Variants in PCDHGB2 observed in about 807,000 individuals in gnomAD.
PCDHGB2 encodes the protein protocadherin gamma subfamily B, 2.
In PCDHGB2, 55 loss-of-function variants were observed where a neutral mutation model predicts 59.3. The ratio of observed to expected loss-of-function variants is 0.93; its 90% CI spans 0.75 to 1.16. The LOEUF (loss-of-function observed/expected upper bound fraction) is 1.16, where lower values mean the gene tolerates loss of function less well. Among genes scored for constraint, PCDHGB2 ranks in the 50% most tolerant of loss-of-function variants. The probability of loss-of-function intolerance (pLI) is 0.00; values close to 1 mark genes in which losing one functional copy is unlikely to be tolerated. For synonymous variants in PCDHGB2, 516 were observed against 512.0 expected (o/e 1.01, Z -0.11); for missense variants, 1,228 against 1,198.5 (o/e 1.02, Z -0.36).
At position 141,415,039 on chromosome 5, in the gene PCDHGB2, G is replaced by T. The variant is rs761101620; in HGVS notation, c.2421+52483G>T. ...CAAGGCCAGCGAGCCGGGACTCTTC[G>T]CGGTGGGGGAGCACACGGGCGAGGT... On this transcript the variant is annotated intron_variant, in intron 1 of 3. Transcript: ENST00000522605. The T allele has an allele frequency of 3.1e-6, 5 of 1,613,342 alleles. No homozygotes were observed. The highest frequency in any genetic ancestry group is 3.4e-6 in the Non-Finnish European group (4 of 1,179,934).
At chr5:141,484,135 A>G (rs181630887) in intron 1 of PCDHGB2, among the ~76,000 whole-genome samples, 6 of 152,270 alleles carry the variant, frequency 3.9e-5, no homozygotes, top group Admixed American at 1.3e-4. Flanking sequence ...GTGTCAGATA[A>G]AGGGAATTTG....
chr5:141,482,609 A>G (rs2099569274), intron 1 of PCDHGB2, among the ~76,000 whole-genome samples: 1 of 151,770 alleles, frequency 6.6e-6, no homozygotes, highest in African/African-American at 2.4e-5. Context: ...AAACACCTAA[A>G]TGAGCCTGGA....
intron 1 of PCDHGB2, chr5:141,374,379 G>A (rs1163047741): frequency 6.2e-7 from 1 of 1,614,042 alleles, no homozygotes; most frequent in Non-Finnish European, 8.5e-7. Flanking sequence ...TGTGCTCAGA[G>A]CCCGCGGTGT....
intron 1 of PCDHGB2, chr5:141,371,172 T>G: frequency 6.2e-7 from 1 of 1,614,016 alleles, no homozygotes; most frequent in Non-Finnish European, 8.5e-7. Flanking sequence ...CGCTGGCTCC[T>G]CCGTATTAAA....
intron 1 of PCDHGB2, chr5:141,409,801 G>A: frequency 1.2e-6 from 2 of 1,611,946 alleles, no homozygotes; most frequent in South Asian, 2.2e-5. Context: ...TCACGCTGCA[G>A]GCCCGCGACC....
intron 1 of PCDHGB2, chr5:141,427,231 G>A (rs1561827383): frequency 2.2e-6 from 1 of 456,612 alleles, no homozygotes; most frequent in African/African-American, 2.0e-5. Flanking sequence ...TATACCATGA[G>A]AGTAGAAGCT....
At position 141,384,979 on chromosome 5, in the gene PCDHGB2, G is replaced by C. The variant is rs758247749; in HGVS notation, c.2421+22423G>C. 1.4e-4 allele frequency: 229 copies of C among 1,614,146 alleles called. 1 individual carries two copies. The highest frequency in any genetic ancestry group is 1.5e-5 in the Non-Finnish European group (18 of 1,180,036). On this transcript the variant is annotated intron_variant, in intron 1 of 3. Coordinates refer to ENST00000522605, the MANE Select transcript of PCDHGB2 (RefSeq NM_018923.3). ...CAACTATGACCTCACGTTGTACCTG[G>C]TGGTGGCGGTGGCCACAGTCTCCTG...
At chr5:141,404,675 G>A (rs1048688884) in intron 1 of PCDHGB2, 2 of 1,614,200 alleles carry the variant, frequency 1.2e-6, no homozygotes, top group Non-Finnish European at 1.7e-6. Flanking sequence ...TTCTACTGGT[G>A]TGGAGCTGGC....
chr5:141,423,474 T>C, intron 1 of PCDHGB2: 1 of 1,614,004 alleles, frequency 6.2e-7, no homozygotes, highest in Non-Finnish European at 8.5e-7. Flanking sequence ...GGGTACAGGC[T>C]TTCCTGCAAA....
rs1433429634 is a variant in PCDHGB2 at position 141,486,311 on chromosome 5, G to T, written c.2422-8496G>T. 1.2e-6 allele frequency: 2 copies of T among 1,613,956 alleles called. No homozygotes were observed. Among genetic ancestry groups the T allele is most frequent in the African/African-American group, 2.7e-5 (2 of 74,892 alleles). On this transcript the variant is annotated intron_variant, in intron 1 of 3. Transcript: ENST00000522605. The surrounding 1 kb of genome is among the most constrained non-coding windows in gnomAD (Gnocchi z 5.0). The stretch of plus-strand genomic sequence containing the variant: ...TATCAGTGTGCAGGATCCAGACTCA[G>T]GGTCAAACGGAGATGTGAGCCTCCG...
intron 1 of PCDHGB2, chr5:141,389,710 C>T: frequency 6.2e-7 from 1 of 1,612,586 alleles, no homozygotes; most frequent in Non-Finnish European, 8.5e-7. Flanking sequence ...GTGCTGCAGG[C>T]TAGCGAGCCC....
At chr5:141,484,857 G>C in intron 1 of PCDHGB2, 1 of 264,370 alleles carries the variant, frequency 3.8e-6, no homozygotes. Flanking sequence ...TTTTTGGGGG[G>C]TGGGGGAGCG....
chr5:141,414,067 C>G (rs998058224), intron 1 of PCDHGB2: 1 of 1,607,570 alleles, frequency 6.2e-7, no homozygotes, highest in Non-Finnish European at 8.5e-7. Flanking sequence ...GAAGTTCCAA[C>G]TAAACAAATA....
chr5:141,491,726 C>T lies in PCDHGB2; in HGVS notation c.2422-3081C>T. On this transcript the variant is annotated intron_variant, in intron 1 of 3. Transcript: ENST00000522605. This position sits in a 1 kb window ranked among gnomAD's most constrained non-coding sequence, Gnocchi z 6.9. ...GTGAGGGGCTCGGCGCCGCCCCGGG[C>T]GACCCCTGGGGGCGGCACTGGAGAA... The T allele has an allele frequency of 6.2e-7, 1 of 1,605,884 alleles. No individual in the cohort carries two copies. Among genetic ancestry groups the T allele is most frequent in the East Asian group, 2.2e-5 (1 of 44,600 alleles).
At chr5:141,459,236 G>A (rs1248794102) in intron 1 of PCDHGB2, among the ~76,000 whole-genome samples, 2 of 152,176 alleles carry the variant, frequency 1.3e-5, no homozygotes, top group African/African-American at 2.4e-5. Context: ...CAACTGGTCT[G>A]CTTCCTGTCA....
At chr5:141,413,118 G>C (rs999214227) in intron 1 of PCDHGB2, 1 of 1,517,152 alleles carries the variant, frequency 6.6e-7, no homozygotes, top group Non-Finnish European at 8.9e-7. Flanking sequence ...CAAAGGAACC[G>C]GTTGAAACAC....
chr5:141,455,738 A>G (rs896060095), intron 1 of PCDHGB2, among the ~76,000 whole-genome samples: 2 of 152,140 alleles, frequency 1.3e-5, no homozygotes, highest in Non-Finnish European at 2.9e-5. Flanking sequence ...TTGCATATCA[A>G]AGGTTGCTGG....
At chr5:141,502,309 T>G (rs1395136136) in intron 2 of PCDHGB2, among the ~76,000 whole-genome samples, 2 of 152,196 alleles carry the variant, frequency 1.3e-5, no homozygotes, top group Admixed American at 6.5e-5. Flanking sequence ...TTTCCTCTCC[T>G]TTAATCTGGA....
At chr5:141,419,004 T>C in intron 1 of PCDHGB2, 1 of 1,613,886 alleles carries the variant, frequency 6.2e-7, no homozygotes, top group Non-Finnish European at 8.5e-7. Context: ...AATGGGGAAG[T>C]CAGGTGTAGC....
Sources: gnomAD v4.1 joint callset for allele counts (sites outside exome capture counted in the v4.1 genomes callset) on GRCh38, gnomAD v4.1.1 for gene constraint, Gnocchi (gnomAD v3.1) non-coding constraint, MANE v1.5 for transcripts, NCBI Gene and HGNC (gene_info 2026-07-23, HGNC 2026-07-21) for gene names.